The following NAT8L variants were observed in gnomAD, a reference collection of about 807,000 sequenced individuals.
NAT8L encodes aspartate N-acetyltransferase, also known as N-acetylaspartate synthetase.
A neutral mutation model predicts 21.2 loss-of-function variants in NAT8L; 6 were observed. The observed-to-expected ratio is 0.28, with a 90% CI of 0.16 to 0.56. The LOEUF is 0.56. NAT8L is among the 20% of genes least tolerant of loss of function. The pLI, the probability that NAT8L is intolerant of heterozygous loss-of-function variation, is 0.93. For synonymous variants in NAT8L, 239 were observed against 204.9 expected, an observed-to-expected ratio of 1.17 and a Z score of -1.42; for missense variants, 331 against 433.3, an observed-to-expected ratio of 0.76 and a Z score of 2.10.
At position 2,061,094 on chromosome 4, in the gene NAT8L, G is replaced by A. The variant is rs752021014; in HGVS notation, c.473G>A (p.Arg158His). 6.8e-6 allele frequency: 11 copies of A among 1,611,064 alleles called. No homozygotes were observed. Among genetic ancestry groups the A allele is most frequent in the Non-Finnish European group, 9.3e-6 (11 of 1,179,086 alleles). The change falls in exon 2 of 3, where the codon CGC (arginine) becomes CAC (histidine). Residue 158 changes from arginine to histidine, a missense_variant. By Grantham distance (29) the Arg-to-His change is conservative. This residue lies in a region of NAT8L where 132 missense variants were observed against 237.1 expected (regional missense o/e 0.56). Coordinates refer to ENST00000423729, the MANE Select transcript of NAT8L (RefSeq NM_178557.4). ...LRYYYSRKVI[R>H]AYLECALHTD... Reference sequence around the variant, plus strand: ...TACTACTACAGCCGCAAGGTGATCCGCGCCTACCTGGAGTGCGCGCTGCAC... The same window carrying A: ...TACTACTACAGCCGCAAGGTGATCCACGCCTACCTGGAGTGCGCGCTGCAC...
rs926309661 is a variant in NAT8L, at chr4:2,065,544, C to T, written c.*1417C>T. 5 of 152,390 alleles carry T rather than the reference C, an allele frequency of 3.3e-5. No homozygotes were observed. Among genetic ancestry groups the T allele is most frequent in the African/African-American group, 1.2e-4 (5 of 41,448 alleles). The allele number at this position is 152,390 out of a possible 1,614,324, so 9.4% of individuals were successfully genotyped here. A position where few individuals can be genotyped will look rare whatever the true frequency, so the allele number is the denominator to read the frequency against. ...GGCAGGAGAAGAATAAACACTTGCC[C>T]AGACCCCTTTGTGTGGGGGAATTGG... On this transcript the variant is annotated 3_prime_UTR_variant, in exon 3 of 3. Transcript: ENST00000423729.
At chr4:2,062,782 C>G (rs1435124819) in intron 2 of NAT8L, among the ~76,000 whole-genome samples, 2 of 152,058 alleles carry the variant, frequency 1.3e-5, no homozygotes, top group South Asian at 4.1e-4. Context: ...TCCCGGGGCT[C>G]GGGGCAGGTG....
intron 2 of NAT8L, among the ~76,000 whole-genome samples, chr4:2,062,792 G>A (rs1016891447): frequency 1.3e-5 from 2 of 152,288 alleles, no homozygotes; most frequent in Non-Finnish European, 1.5e-5. Context: ...CGGGGCAGGT[G>A]CAGAGCCTCC....
chr4:2,061,769 C>T (rs1285940541), intron 2 of NAT8L, among the ~76,000 whole-genome samples: 1 of 152,166 alleles, frequency 6.6e-6, no homozygotes, highest in Admixed American at 6.5e-5. Context: ...CACACCGGTT[C>T]CCCCATGCCG....
chr4:2,061,130 C>T lies in NAT8L; in HGVS notation c.509C>T (p.Ala170Val). 6.2e-7 allele frequency: 1 copy of T among 1,611,368 alleles called. No individual in the cohort carries two copies. Among genetic ancestry groups the T allele is most frequent in the Non-Finnish European group, 8.5e-7 (1 of 1,179,172 alleles). ...GAGTGCGCGCTGCACACGGACATGG[C>T]GGACATCGAGCAGTACTACATGAAG... ...YLECALHTDM[A>V]DIEQYYMKPP... The change falls in exon 2 of 3, where the codon GCG becomes GTG. Residue 170 changes from alanine (A) to valine (V), a missense_variant. Physicochemically the swap from Ala to Val is moderately conservative, Grantham distance 64 (BLOSUM62 0). This residue lies in a region of NAT8L where 132 missense variants were observed against 237.1 expected (regional missense o/e 0.56). Transcript: ENST00000423729.
chr4:2,066,874 G>C lies in NAT8L; in HGVS notation c.*2747G>C, dbSNP rs1302181193. On this transcript the variant is annotated 3_prime_UTR_variant, in exon 3 of 3. Coordinates refer to ENST00000423729, the MANE Select transcript of NAT8L (RefSeq NM_178557.4). ...GGAAGCCTCTGTTTTTGGAGTGGGG[G>C]GCGTGGAAGGCGGGAGGGGCTGACA... The C allele has an allele frequency of 1.3e-5, 2 of 152,848 alleles. No homozygotes were observed. Among genetic ancestry groups the C allele is most frequent in the Non-Finnish European group, 2.9e-5 (2 of 68,584 alleles). 9.5% of individuals were successfully genotyped at this position (152,848 alleles called of 1,614,324 possible).
rs948966657 is a variant in NAT8L, at chr4:2,060,301, CG to C, written c.376+420del. ...TATGAGGGGAAGACAGCCGGCGCCG[CG>C]GGGGGTGCGCGCGCCTGGCACAGCC... On this transcript the variant is annotated intron_variant, in intron 1 of 2. Transcript: ENST00000423729. The surrounding 1 kb of genome is among the most constrained non-coding windows in gnomAD (Gnocchi z 4.7). 2.4e-4 allele frequency among the ~76,000 whole-genome samples: 36 copies of C among 152,278 alleles called. No individual in the cohort carries two copies. The highest frequency in any genetic ancestry group is 1.4e-3 in the South Asian group (7 of 4,832).
chr4:2,059,633 C>A lies in NAT8L; in HGVS notation c.122C>A (p.Pro41Gln). ...LLAAAGAMWP[P>Q]LPAAPGPAAA... Reference sequence around the variant, plus strand: ...GCCGCCGCCGGCGCCATGTGGCCCCCGCTGCCCGCCGCGCCCGGGCCGGCC... The same window carrying A: ...GCCGCCGCCGGCGCCATGTGGCCCCAGCTGCCCGCCGCGCCCGGGCCGGCC... Residue 41 changes from proline (P) to glutamine (Q), a missense_variant, in exon 1 of 3, where the codon CCG (proline) becomes CAG (glutamine). This residue lies in a region of NAT8L where 199 missense variants were observed against 196.1 expected (regional missense o/e 1.01). Coordinates refer to ENST00000423729, the MANE Select transcript of NAT8L (RefSeq NM_178557.4). The surrounding 1 kb of genome is among the most constrained non-coding windows in gnomAD (Gnocchi z 4.8). The A allele has an allele frequency of 1.0e-6, 1 of 974,460 alleles. No individual in the cohort carries two copies. The highest frequency in any genetic ancestry group is 1.8e-5 in the African/African-American group (1 of 56,278). The allele number at this position is 974,460 out of a possible 1,614,324, so 60.4% of individuals were successfully genotyped here.
Position 2,064,184 on chromosome 4 carries a change from C to A in NAT8L, c.*57C>A. On this transcript the variant is annotated 3_prime_UTR_variant, in exon 3 of 3. Transcript: ENST00000423729. ...CGCCCTGTCCGCCTTTGCCCGCCTGCCCGCCGCCCGGCGCGGCCTGCTTTC... is the reference window on the plus strand; with the variant it reads ...CGCCCTGTCCGCCTTTGCCCGCCTGACCGCCGCCCGGCGCGGCCTGCTTTC... The A allele has an allele frequency of 8.5e-7, 1 of 1,170,432 alleles. No homozygotes were observed. Among genetic ancestry groups the A allele is most frequent in the Non-Finnish European group, 1.1e-6 (1 of 940,104 alleles). 72.5% of individuals were successfully genotyped at this position (1,170,432 alleles called of 1,614,324 possible). A position where few individuals can be genotyped will look rare whatever the true frequency, so the allele number is the denominator to read the frequency against.
rs1424826604 is a variant in NAT8L, at chr4:2,064,002, C to A, written c.784C>A (p.Leu262Met). 1 of 1,611,890 alleles carries A rather than the reference C, an allele frequency of 6.2e-7. No individual in the cohort carries two copies. The highest frequency in any genetic ancestry group is 1.7e-5 in the Admixed American group (1 of 59,990). The change falls in exon 3 of 3, where the codon CTG (leucine) becomes ATG (methionine). Residue 262 changes from leucine to methionine, a missense_variant. This residue lies in a region of NAT8L where 132 missense variants were observed against 237.1 expected (regional missense o/e 0.56). Coordinates refer to ENST00000423729, the MANE Select transcript of NAT8L (RefSeq NM_178557.4). ...KVAAHKLYES[L>M]GFRHMGASDH... ...GGCCGCCCACAAGCTCTACGAGTCG[C>A]TGGGCTTCAGACACATGGGCGCCAG...
rs1264681358 is a variant in NAT8L, at chr4:2,059,527, C to A, written c.16C>A (p.Pro6Thr). The A allele has an allele frequency of 1.7e-5, 17 of 1,001,926 alleles. No individual in the cohort carries two copies. The highest frequency in any genetic ancestry group is 1.8e-5 in the Non-Finnish European group (15 of 840,470). 62.1% of individuals were successfully genotyped at this position (1,001,926 alleles called of 1,614,324 possible). MHCGP[P>T]DMVCETKIVA... ...GGCCGGGTGCATGCATTGTGGGCCT[C>A]CCGACATGGTCTGCGAGACGAAGAT... The change falls in exon 1 of 3, where the codon CCC (proline) becomes ACC (threonine). Residue 6 changes from proline to threonine, a missense_variant. Transcript: ENST00000423729. This position sits in a 1 kb window ranked among gnomAD's most constrained non-coding sequence, Gnocchi z 4.8.
Position 2,064,531 on chromosome 4 carries a change from G to T in NAT8L, c.*404G>T, listed in dbSNP as rs1044453845. The T allele has an allele frequency of 2.6e-5, 4 of 155,378 alleles. No homozygotes were observed. The highest frequency in any genetic ancestry group is 7.3e-5 in the African/African-American group (3 of 41,364). The allele number at this position is 155,378 out of a possible 1,614,324, so 9.6% of individuals were successfully genotyped here. ...CCCCGCCTGCGGCCCCAGCGCCACT[G>T]CCTGTGGAGGCCCCAGCTGGCCACG... On this transcript the variant is annotated 3_prime_UTR_variant, in exon 3 of 3. Transcript: ENST00000423729.
chr4:2,063,118 G>A (rs778425364), intron 2 of NAT8L, among the ~76,000 whole-genome samples: 11 of 152,268 alleles, frequency 7.2e-5, no homozygotes, highest in African/African-American at 2.2e-4. Context: ...AGGAGAGGCC[G>A]GGGCCAGAGG....
rs990084476 is a variant in NAT8L, at chr4:2,060,003, C to T, written c.376+116C>T. ...CCCGGGGACCAGCCTGGGAAGCCCCCCGCTTTCTGCCGCGCCGGGCCCCGC... is the reference window on the plus strand; with the variant it reads ...CCCGGGGACCAGCCTGGGAAGCCCCTCGCTTTCTGCCGCGCCGGGCCCCGC... On this transcript the variant is annotated intron_variant, in intron 1 of 2. Transcript: ENST00000423729. The surrounding 1 kb of genome is among the most constrained non-coding windows in gnomAD (Gnocchi z 4.7). The T allele has an allele frequency of 6.0e-6, 3 of 500,956 alleles. No individual in the cohort carries two copies. The highest frequency in any genetic ancestry group is 8.4e-6 in the Non-Finnish European group (3 of 358,370). The allele number at this position is 500,956 out of a possible 1,614,324, so 31.0% of individuals were successfully genotyped here.
chr4:2,059,516 A>T lies in NAT8L; in HGVS notation c.5A>T (p.His2Leu). ...CCGCGCCGCCCGGCCGGGTGCATGC[A>T]TTGTGGGCCTCCCGACATGGTCTGC... M[H>L]CGPPDMVCET... Residue 2 changes from histidine to leucine, a missense_variant, in exon 1 of 3, where the codon CAT (histidine) becomes CTT (leucine). By Grantham distance (99) the His-to-Leu change is moderately conservative (BLOSUM62 -3). Coordinates refer to ENST00000423729, the MANE Select transcript of NAT8L (RefSeq NM_178557.4). This position sits in a 1 kb window ranked among gnomAD's most constrained non-coding sequence, Gnocchi z 4.8. 1 of 993,012 alleles carries T rather than the reference A, an allele frequency of 1.0e-6. No homozygotes were observed. Among genetic ancestry groups the T allele is most frequent in the Non-Finnish European group, 1.2e-6 (1 of 836,118 alleles). 61.5% of individuals were successfully genotyped at this position (993,012 alleles called of 1,614,324 possible).
chr4:2,061,671 G>A (rs1729892539), intron 2 of NAT8L, among the ~76,000 whole-genome samples: 1 of 152,124 alleles, frequency 6.6e-6, no homozygotes, highest in African/African-American at 2.4e-5. Context: ...CAGCCTCTGT[G>A]GCCTTCTATA....
chr4:2,068,151 C>A lies in NAT8L; in HGVS notation c.*4024C>A, dbSNP rs1022634409. The A allele has an allele frequency of 1.3e-5, 2 of 151,680 alleles. No individual in the cohort carries two copies. The highest frequency in any genetic ancestry group is 4.9e-5 in the African/African-American group (2 of 41,180). The allele number at this position is 151,680 out of a possible 1,614,324, so 9.4% of individuals were successfully genotyped here. ...GCGTGTGTGTGTGTGCAAGTGGGTT[C>A]TTGGATATGTGTAGTGTGAGCATGT... is the stretch of plus-strand genomic sequence containing the variant. On this transcript the variant is annotated 3_prime_UTR_variant, in exon 3 of 3. Transcript: ENST00000423729.
Position 2,064,049 on chromosome 4 carries a change from C to G in NAT8L, c.831C>G (p.Gly277=), listed in dbSNP as rs570380407. 1 of 1,610,978 alleles carries G rather than the reference C, an allele frequency of 6.2e-7. No individual in the cohort carries two copies. Among genetic ancestry groups the G allele is most frequent in the African/African-American group, 1.3e-5 (1 of 75,042 alleles). The change falls in exon 3 of 3, where the codon GGC becomes GGG. Residue 277 remains glycine, a synonymous_variant. Coordinates refer to ENST00000423729, the MANE Select transcript of NAT8L (RefSeq NM_178557.4). ...MGASDHYVLP[G]MTLSLAERLF... ...CCAGTGACCACTACGTGCTGCCGGGCATGACCCTCTCGCTGGCTGAGCGCC... is the reference window on the plus strand; with the variant it reads ...CCAGTGACCACTACGTGCTGCCGGGGATGACCCTCTCGCTGGCTGAGCGCC...
Position 2,059,620 on chromosome 4 carries a change from G to T in NAT8L, c.109G>T (p.Ala37Ser). 1.0e-6 allele frequency: 1 copy of T among 977,890 alleles called. No homozygotes were observed. The highest frequency in any genetic ancestry group is 1.2e-6 in the Non-Finnish European group (1 of 826,196). 60.6% of individuals were successfully genotyped at this position (977,890 alleles called of 1,614,324 possible). The change falls in exon 1 of 3, where the codon GCC (alanine) becomes TCC (serine). Residue 37 changes from alanine (A) to serine (S), a missense_variant. Around this residue, in one of 2 missense-constraint regions of NAT8L, gnomAD observed 199 missense variants for 196.1 expected, o/e 1.01. Transcript: ENST00000423729. This position sits in a 1 kb window ranked among gnomAD's most constrained non-coding sequence, Gnocchi z 4.8. ...KKDALLAAAGAMWPPLPAAPG... is the reference protein window; with the variant it reads ...KKDALLAAAGSMWPPLPAAPG... ...GGACGCGCTGCTCGCCGCCGCCGGCGCCATGTGGCCCCCGCTGCCCGCCGC... is the reference window on the plus strand; with the variant it reads ...GGACGCGCTGCTCGCCGCCGCCGGCTCCATGTGGCCCCCGCTGCCCGCCGC...
Sources: allele counts gnomAD v4.1 joint callset (sites outside exome capture counted in the v4.1 genomes callset), GRCh38; gene constraint gnomAD v4.1.1; regional missense constraint gnomAD v4.1.1; non-coding constraint Gnocchi (gnomAD v3.1); transcripts MANE v1.5; gene names NCBI Gene and HGNC (gene_info 2026-07-23, HGNC 2026-07-21).